The following ZNF385D variants were observed in gnomAD, a reference collection of about 807,000 sequenced individuals.
ZNF385D encodes the protein zinc finger protein 659.
ZNF385D carries 15 observed loss-of-function variants against 35.8 expected under a neutral mutation model. The observed-to-expected ratio is 0.42, with a 90% CI of 0.28 to 0.64. The LOEUF is 0.64. ZNF385D is among the 30% of genes least tolerant of loss of function. The probability of loss-of-function intolerance (pLI) is 0.23; values close to 1 mark genes in which losing one functional copy is unlikely to be tolerated. For synonymous variants in ZNF385D, 212 were observed against 186.8 expected, an observed-to-expected ratio of 1.13 and a Z score of -1.10; for missense variants, 474 against 494.6, an observed-to-expected ratio of 0.96 and a Z score of 0.39.
chr3:22,271,204 C>A (rs1342371332), intron 2 of ZNF385D, among the ~76,000 whole-genome samples: 1 of 138,182 alleles, frequency 7.2e-6, no homozygotes, highest in Non-Finnish European at 1.6e-5. Context: ...TGTCTTTGAG[C>A]TATTATAGTC....
intron 3 of ZNF385D, among the ~76,000 whole-genome samples, chr3:22,004,734 G>T (rs748297835): frequency 1.3e-5 from 2 of 152,108 alleles, no homozygotes; most frequent in Non-Finnish European, 2.9e-5. Flanking sequence ...TCCTCCTTTG[G>T]AAAGGCTTAT....
chr3:22,266,178 T>A (rs1340323143), intron 2 of ZNF385D, among the ~76,000 whole-genome samples: 1 of 151,976 alleles, frequency 6.6e-6, no homozygotes, highest in Non-Finnish European at 1.5e-5. Flanking sequence ...TGGACCTTCA[T>A]ACATTTCATT....
At chr3:22,372,738 C>T (rs1696967734) in exon 2 of ZNF385D, 2 of 152,558 alleles carry the variant, frequency 1.3e-5, no homozygotes, top group Non-Finnish European at 1.5e-5. Context: ...TCTGCCTCCG[C>T]CGCGCTCGCG....
At chr3:22,222,712 G>A (rs78578830) in intron 2 of ZNF385D, among the ~76,000 whole-genome samples, 10,299 of 152,088 alleles carry the variant, frequency 0.068, 886 homozygotes, top group African/African-American at 0.2. Context: ...ATGAAAGAAC[G>A]GATATAAAAG....
intron 2 of ZNF385D, among the ~76,000 whole-genome samples, chr3:21,641,477 C>T (rs79146509): frequency 0.019 from 2,848 of 151,726 alleles, 50 homozygotes; most frequent in African/African-American, 0.037. Context: ...GGTTATATTC[C>T]TCTATTGTCT....
intron 2 of ZNF385D, among the ~76,000 whole-genome samples, chr3:22,209,307 T>C (rs1190203934): frequency 2.0e-5 from 3 of 152,034 alleles, no homozygotes; most frequent in African/African-American, 7.2e-5. Flanking sequence ...TACAATTAAA[T>C]AAGCTGTTAA....
At chr3:21,602,977 C>T (rs992236100) in intron 2 of ZNF385D, among the ~76,000 whole-genome samples, 4 of 152,182 alleles carry the variant, frequency 2.6e-5, no homozygotes, top group African/African-American at 9.7e-5. Flanking sequence ...AGACAAAACC[C>T]AGTCATACCC....
At chr3:21,987,836 A>G (rs1694900512) in intron 3 of ZNF385D, among the ~76,000 whole-genome samples, 1 of 126,506 alleles carries the variant, frequency 7.9e-6, no homozygotes, top group Admixed American at 7.0e-5. Context: ...CTTTTCACAT[A>G]GTCCCATACT....
intron 3 of ZNF385D, among the ~76,000 whole-genome samples, chr3:21,797,849 G>T (rs1045788600): frequency 2.0e-5 from 3 of 152,176 alleles, no homozygotes; most frequent in African/African-American, 7.2e-5. Flanking sequence ...TTTGGGGGTA[G>T]GAGTGGGGGA....
chr3:22,089,985 C>T (rs1007900715), intron 3 of ZNF385D, among the ~76,000 whole-genome samples: 30 of 152,000 alleles, frequency 2.0e-4, no homozygotes, highest in African/African-American at 6.3e-4. Context: ...ACTACAGGCG[C>T]GTGCCACCAT....
At chr3:21,732,030 G>GTTTTTTTTTTTTTTT (rs1214143626) in intron 1 of ZNF385D, among the ~76,000 whole-genome samples, 4 of 37,368 alleles carry the variant, frequency 1.1e-4, no homozygotes, top group Admixed American at 4.7e-4. Flanking sequence ...TTTTTTCGGG[G>GTTTTTTTTTTTTTTT]TTTTTTTTTT....
chr3:21,635,994 A>G (rs369958928), intron 2 of ZNF385D, among the ~76,000 whole-genome samples: 1 of 151,994 alleles, frequency 6.6e-6, no homozygotes, highest in Non-Finnish European at 1.5e-5. Flanking sequence ...TATTTTTGCA[A>G]TTGCAAATTG....
chr3:21,988,999 G>A (rs369886308), intron 3 of ZNF385D, among the ~76,000 whole-genome samples: 16,316 of 151,926 alleles, frequency 0.11, 1,161 homozygotes, highest in South Asian at 0.26. Flanking sequence ...GCAATGCCTC[G>A]CCCTGCTTCG....
At chr3:22,256,606 G>C (rs898387011) in intron 2 of ZNF385D, among the ~76,000 whole-genome samples, 8 of 151,814 alleles carry the variant, frequency 5.3e-5, no homozygotes, top group Admixed American at 3.3e-4. Flanking sequence ...ATAAATCATC[G>C]TATCTGTCAC....
intron 3 of ZNF385D, among the ~76,000 whole-genome samples, chr3:21,931,940 T>C (rs933949304): frequency 3.3e-5 from 5 of 151,904 alleles, no homozygotes; most frequent in Non-Finnish European, 5.9e-5. Context: ...GGTAGGCAGA[T>C]CACGAGGTCA....
intron 2 of ZNF385D, among the ~76,000 whole-genome samples, chr3:22,192,480 C>A (rs1576473506): frequency 6.6e-6 from 1 of 152,108 alleles, no homozygotes; most frequent in African/African-American, 2.4e-5. Context: ...TGTGACTCCT[C>A]AGGCTAGTTC....
chr3:21,970,615 G>A (rs1254797139), intron 3 of ZNF385D, among the ~76,000 whole-genome samples: 1 of 151,956 alleles, frequency 6.6e-6, no homozygotes, highest in Non-Finnish European at 1.5e-5. Context: ...AGTAGAGAGA[G>A]AGAGAGAGAG....
chr3:21,428,933 C>CT (rs56827844), intron 5 of ZNF385D, among the ~76,000 whole-genome samples: 3,023 of 112,066 alleles, frequency 0.027, 186 homozygotes, highest in African/African-American at 0.086. Flanking sequence ...CCAAGAAATC[C>CT]TTTTTTTTTT....
intron 3 of ZNF385D, among the ~76,000 whole-genome samples, chr3:21,787,462 C>A (rs1303761395): frequency 2.6e-5 from 4 of 151,934 alleles, no homozygotes; most frequent in African/African-American, 9.7e-5. Flanking sequence ...CGTGCCCCTA[C>A]TCCTTATCCA....
Sources: allele counts gnomAD v4.1 joint callset (sites outside exome capture counted in the v4.1 genomes callset), GRCh38; gene constraint gnomAD v4.1.1; transcripts MANE v1.5; gene names NCBI Gene and HGNC (gene_info 2026-07-23, HGNC 2026-07-21).